Variants in UMODL1 observed in about 807,000 individuals in gnomAD.
UMODL1 encodes uromodulin-like 1.
A neutral mutation model predicts 136.3 loss-of-function variants in UMODL1; 128 were observed. That is an observed-to-expected ratio of 0.94 (90% confidence interval 0.81 to 1.09). UMODL1 has a LOEUF of 1.09. UMODL1 is among the 50% of genes least tolerant of loss of function. The probability of loss-of-function intolerance (pLI) is 0.00; values close to 1 mark genes in which losing one functional copy is unlikely to be tolerated. For missense variants in UMODL1, 1,766 were observed against 1,725.6 expected (o/e 1.02, Z -0.41); for synonymous variants, 721 against 720.0 (o/e 1.00, Z -0.02).
intron 12 of UMODL1, 113 bp downstream of exon 12, chr21:42,111,823 A>G: frequency 1.8e-6 from 2 of 1,115,854 alleles, no homozygotes. Context: ...AGCAATGCTC[A>G]GGCGGCATCC....
chr21:42,083,114 G>A (rs984592597), intron 2 of UMODL1, among the ~76,000 whole-genome samples: 1 of 152,186 alleles, frequency 6.6e-6, no homozygotes, highest in Non-Finnish European at 1.5e-5. Context: ...ACTGTGAAGG[G>A]CTGGGGAGCT....
chr21:42,137,278 C>G (rs1601289563), intron 21 of UMODL1, among the ~76,000 whole-genome samples, 161 bp from the exon 22 acceptor site: 1 of 152,264 alleles, frequency 6.6e-6, no homozygotes, highest in South Asian at 2.1e-4. Flanking sequence ...GGCTTGGACA[C>G]CTTCCTCAGC....
intron 21 of UMODL1, among the ~76,000 whole-genome samples, chr21:42,130,695 G>A (rs1332661557): frequency 6.6e-6 from 1 of 152,154 alleles, no homozygotes; most frequent in Non-Finnish European, 1.5e-5. Flanking sequence ...AGACGTCTGT[G>A]CCTACCCTCT....
intron 21 of UMODL1, among the ~76,000 whole-genome samples, chr21:42,132,654 T>C (rs780197092): frequency 2.6e-5 from 4 of 152,236 alleles, no homozygotes; most frequent in Admixed American, 6.5e-5. Flanking sequence ...TCATCTACTA[T>C]GTTTCAGATA....
chr21:42,139,385 C>A (rs2067249178), intron 22 of UMODL1, among the ~76,000 whole-genome samples: 1 of 152,114 alleles, frequency 6.6e-6, no homozygotes, highest in African/African-American at 2.4e-5. Context: ...GTTTAATCAA[C>A]CAGATCTTAT....
chr21:42,125,404 A>G (rs2067038589), intron 17 of UMODL1, among the ~76,000 whole-genome samples: 1 of 152,164 alleles, frequency 6.6e-6, no homozygotes, highest in Admixed American at 6.5e-5. Flanking sequence ...GCAGAGCACA[A>G]GCTTGCCTGG....
chr21:42,073,871 C>T (rs2066258740), intron 1 of UMODL1, among the ~76,000 whole-genome samples: 1 of 152,190 alleles, frequency 6.6e-6, no homozygotes, highest in Non-Finnish European at 1.5e-5. Flanking sequence ...GCCCCCACCT[C>T]TTGGGGGTAC....
At chr21:42,071,174 C>A, upstream of UMODL1, 1 of 839,478 alleles carries the variant, frequency 1.2e-6, no homozygotes, top group Non-Finnish European at 1.7e-6. Context: ...CCTCTGAAGT[C>A]ATTGCCACCT....
rs775622861 is a variant in UMODL1, at chr21:42,123,198, G to A, written c.3147+48G>A. On this transcript the variant is annotated intron_variant, in intron 17 of 22. Coordinates refer to ENST00000408910, the MANE Select transcript of UMODL1 (RefSeq NM_001004416.3). This position sits in a 1 kb window ranked among gnomAD's most constrained non-coding sequence, Gnocchi z 4.4. The stretch of plus-strand genomic sequence containing the variant: ...CAGGATGTACACTAGGGCGCAAGGG[G>A]CTCTAGGTTACATGGGCCTCGATGT... 1.9e-6 allele frequency: 3 copies of A among 1,557,058 alleles called. No individual in the cohort carries two copies. Among genetic ancestry groups the A allele is most frequent in the Admixed American group, 3.6e-5 (2 of 55,508 alleles).
At chr21:42,115,840 C>T in intron 13 of UMODL1, 33 bp from the exon 14 acceptor site, 1 of 1,513,460 alleles carries the variant, frequency 6.6e-7, no homozygotes, top group Non-Finnish European at 9.2e-7. Flanking sequence ...AATACAGCAC[C>T]AATTCCAAAT....
At chr21:42,088,775 C>T (rs2066457637) in intron 5 of UMODL1, among the ~76,000 whole-genome samples, 1 of 152,016 alleles carries the variant, frequency 6.6e-6, no homozygotes, top group Admixed American at 6.5e-5. Context: ...TGGCCTCCTG[C>T]CCCCTCGGCA....
rs756753365 is a variant in UMODL1, at chr21:42,085,454, C to G, written c.603+42C>G. On this transcript the variant is annotated intron_variant, in intron 4 of 22. Transcript: ENST00000408910. The surrounding 1 kb of genome is among the most constrained non-coding windows in gnomAD (Gnocchi z 4.5). Reference sequence around the variant, plus strand: ...GGGGCTGCCTGCACCCTCCTTGTGGCAGCTGCTCAGGCAGACCCAGGTATG... The same window carrying G: ...GGGGCTGCCTGCACCCTCCTTGTGGGAGCTGCTCAGGCAGACCCAGGTATG... 7 of 1,612,386 alleles carry G rather than the reference C, an allele frequency of 4.3e-6. No homozygotes were observed. Among genetic ancestry groups the G allele is most frequent in the Non-Finnish European group, 5.9e-6 (7 of 1,179,498 alleles).
At chr21:42,092,431 T>A (rs952683547) in intron 6 of UMODL1, among the ~76,000 whole-genome samples, 2 of 152,042 alleles carry the variant, frequency 1.3e-5, no homozygotes, top group Non-Finnish European at 2.9e-5. Context: ...CTGCTACATG[T>A]GTAATTTTAT....
chr21:42,091,251 C>T (rs1601199307), intron 6 of UMODL1, among the ~76,000 whole-genome samples: 2 of 152,164 alleles, frequency 1.3e-5, no homozygotes, highest in African/African-American at 4.8e-5. Context: ...GACATTTTGG[C>T]GCATGAAAGG....
chr21:42,120,887 C>T, intron 15 of UMODL1, 200 bp from the exon 16 acceptor site: 1 of 570,976 alleles, frequency 1.8e-6, no homozygotes, highest in Non-Finnish European at 3.0e-6. Context: ...CAGAACAGCC[C>T]CTGCAGACAT....
intron 2 of UMODL1, 62 bp downstream of exon 2, chr21:42,076,309 C>A: frequency 1.2e-6 from 2 of 1,600,656 alleles, no homozygotes; most frequent in Non-Finnish European, 1.7e-6. Context: ...CCTGATGGGA[C>A]AGTCACCGTT....
chr21:42,083,089 C>T (rs188799249), intron 2 of UMODL1, among the ~76,000 whole-genome samples: 27 of 152,332 alleles, frequency 1.8e-4, no homozygotes, highest in African/African-American at 3.8e-4. Context: ...AGAGCTGCAT[C>T]GGAGCTGCAC....
Position 42,122,874 on chromosome 21 carries a change from G to T in UMODL1, c.2871G>T (p.Arg957Ser), listed in dbSNP as rs2066995204. Residue 957 changes from arginine to serine, a missense_variant, in exon 17 of 23, where the codon AGG becomes AGT. Arg to Ser is a moderately radical substitution (Grantham distance 110). Transcript: ENST00000408910. The surrounding 1 kb of genome is among the most constrained non-coding windows in gnomAD (Gnocchi z 4.3). ...AAACCTGGGCCACCAGCCCAGAGAG[G>T]CCTCTCACCACAGCAGGGACCAAGG... ...GNETWATSPE[R>S]PLTTAGTKAA... The T allele has an allele frequency of 2.5e-6, 4 of 1,609,444 alleles. No homozygotes were observed. The highest frequency in any genetic ancestry group is 1.1e-5 in the South Asian group (1 of 90,958).
chr21:42,114,850 C>T (rs992493646), intron 13 of UMODL1, among the ~76,000 whole-genome samples: 22 of 152,292 alleles, frequency 1.4e-4, no homozygotes, highest in South Asian at 6.2e-4. Flanking sequence ...CTGCTCTGGA[C>T]GGGACAGGCT....
Sources: allele counts gnomAD v4.1 joint callset (sites outside exome capture counted in the v4.1 genomes callset), GRCh38; gene constraint gnomAD v4.1.1; non-coding constraint Gnocchi (gnomAD v3.1); transcripts MANE v1.5; gene names NCBI Gene and HGNC (gene_info 2026-07-23, HGNC 2026-07-21).